GRID2: variants seen among roughly 807,000 people sequenced by gnomAD.
The protein encoded by GRID2 is glutamate ionotropic receptor delta type subunit 2, also known as glutamate receptor ionotropic, delta-2.
A neutral mutation model predicts 114.8 loss-of-function variants in GRID2; 33 were observed. That is an observed-to-expected ratio of 0.29 (90% CI 0.22 to 0.38). The LOEUF (loss-of-function observed/expected upper bound fraction) is 0.38. Ranked by LOEUF, GRID2 falls within the 10% of genes least tolerant of loss-of-function variation. The pLI is 1.00. For synonymous variants in GRID2, 505 were observed against 449.9 expected (o/e 1.12, Z -1.55); for missense variants, 1,184 against 1,257.7 (o/e 0.94, Z 0.89).
chr4:92,737,851 T>C (rs1736678311), intron 2 of GRID2, among the ~76,000 whole-genome samples: 1 of 152,148 alleles, frequency 6.6e-6, no homozygotes, highest in South Asian at 2.1e-4. Flanking sequence ...ACTAATACTA[T>C]AGAAATCTAT....
At chr4:93,106,490 G>A (rs1732247527) in intron 3 of GRID2, among the ~76,000 whole-genome samples, 1 of 152,146 alleles carries the variant, frequency 6.6e-6, no homozygotes, top group South Asian at 2.1e-4. Context: ...GGGACGACGA[G>A]CATGCACCAC....
intron 1 of GRID2, among the ~76,000 whole-genome samples, chr4:92,369,003 C>A (rs1287186340): frequency 6.6e-6 from 1 of 151,160 alleles, no homozygotes; most frequent in Non-Finnish European, 1.5e-5. Flanking sequence ...AGATCTTAGT[C>A]CATCCAATTA....
At chr4:92,606,986 G>A (rs113763023) in intron 2 of GRID2, among the ~76,000 whole-genome samples, 2,579 of 152,070 alleles carry the variant, frequency 0.017, 75 homozygotes, top group African/African-American at 0.058. Context: ...CATGATGTTG[G>A]AGATACTGAG....
chr4:93,286,673 G>C (rs1428649425), intron 8 of GRID2, among the ~76,000 whole-genome samples: 4 of 120,008 alleles, frequency 3.3e-5, no homozygotes, highest in Non-Finnish European at 6.8e-5. Context: ...AAAAGCTTTT[G>C]TGTATGTGTG....
intron 14 of GRID2, among the ~76,000 whole-genome samples, chr4:93,720,607 A>G (rs994278514): frequency 2.0e-5 from 3 of 152,202 alleles, no homozygotes; most frequent in African/African-American, 7.2e-5. Context: ...TCACAAACTG[A>G]TATCATTAAA....
Position 92,442,905 on chromosome 4 carries a change from G to T in GRID2, c.88+138161G>T, listed in dbSNP as rs546275669. ...AGGAGGGGGAGGGCTAGTCATGGAAGGAAACTGTAAGCCGGACCAGGTGTG... is the reference window on the plus strand; with the variant it reads ...AGGAGGGGGAGGGCTAGTCATGGAATGAAACTGTAAGCCGGACCAGGTGTG... On this transcript the variant is annotated intron_variant, in intron 1 of 15. Transcript: ENST00000282020. Among the ~76,000 whole-genome samples the T allele has an allele frequency of 1.4e-3, 209 of 151,496 alleles. 2 individuals carry two copies. Among genetic ancestry groups the T allele is most frequent in the African/African-American group, 4.6e-3 (191 of 41,210 alleles).
intron 13 of GRID2, among the ~76,000 whole-genome samples, chr4:93,587,763 C>A (rs1053955444): frequency 8.6e-5 from 13 of 151,916 alleles, no homozygotes; most frequent in African/African-American, 2.9e-4. Flanking sequence ...TGTTTTCTAC[C>A]TAGCCCTGTT....
At chr4:93,645,749 C>G (rs558461195) in intron 14 of GRID2, among the ~76,000 whole-genome samples, 144 of 152,240 alleles carry the variant, frequency 9.5e-4, no homozygotes, top group Non-Finnish European at 1.8e-3. Context: ...TATTAAATTT[C>G]CATGTTTTAT....
chr4:93,582,504 A>G (rs1448922819), intron 13 of GRID2, among the ~76,000 whole-genome samples: 1 of 152,204 alleles, frequency 6.6e-6, no homozygotes, highest in Non-Finnish European at 1.5e-5. Flanking sequence ...TGCCCTCTTA[A>G]CTTAAAAGAA....
At chr4:92,862,489 T>C (rs1744596448) in intron 2 of GRID2, among the ~76,000 whole-genome samples, 2 of 152,072 alleles carry the variant, frequency 1.3e-5, no homozygotes, top group South Asian at 4.1e-4. Flanking sequence ...CTTCTATTAG[T>C]CGGCATGTTT....
intron 2 of GRID2, among the ~76,000 whole-genome samples, chr4:92,724,945 G>A (rs1286217332): frequency 6.6e-6 from 1 of 152,046 alleles, no homozygotes; most frequent in East Asian, 1.9e-4. Context: ...ATATATCCTA[G>A]GTAGACATGA....
At chr4:92,992,962 C>G (rs1016068580) in intron 2 of GRID2, among the ~76,000 whole-genome samples, 1 of 152,028 alleles carries the variant, frequency 6.6e-6, no homozygotes, top group South Asian at 2.1e-4. Context: ...ACTCTTGTCA[C>G]TTTCCATTGC....
At chr4:92,818,240 G>T (rs1741035061) in intron 2 of GRID2, among the ~76,000 whole-genome samples, 1 of 151,996 alleles carries the variant, frequency 6.6e-6, no homozygotes, top group Non-Finnish European at 1.5e-5. Context: ...ATAACCTCTT[G>T]CCCAGTGTAT....
intron 14 of GRID2, among the ~76,000 whole-genome samples, chr4:93,741,174 C>CATATATATATATATATATATACATAT (rs1731348180): frequency 2.4e-5 from 1 of 41,230 alleles, no homozygotes; most frequent in Non-Finnish European, 4.1e-5. Context: ...TATATATATA[C>CATATATATATATATATATATACATAT]ATATATATAT....
At chr4:93,685,134 C>T (rs1005761204) in intron 14 of GRID2, among the ~76,000 whole-genome samples, 1 of 151,920 alleles carries the variant, frequency 6.6e-6, no homozygotes, top group South Asian at 2.1e-4. Context: ...AGGACTCTGC[C>T]CAAATAATCC....
At chr4:92,969,621 G>A (rs538809671) in intron 2 of GRID2, among the ~76,000 whole-genome samples, 2 of 151,568 alleles carry the variant, frequency 1.3e-5, no homozygotes, top group Non-Finnish European at 1.5e-5. Flanking sequence ...ATAACGCTAT[G>A]AGACTCAGAT....
intron 2 of GRID2, among the ~76,000 whole-genome samples, chr4:92,857,942 A>C (rs1275211840): frequency 6.6e-6 from 1 of 152,204 alleles, no homozygotes; most frequent in African/African-American, 2.4e-5. Context: ...ATCCCTTATG[A>C]ATTATGCTAA....
chr4:92,957,392 C>T (rs749573696), intron 2 of GRID2, among the ~76,000 whole-genome samples: 1 of 152,014 alleles, frequency 6.6e-6, no homozygotes, highest in Non-Finnish European at 1.5e-5. Context: ...TGTTCCAGCA[C>T]TGTTTTTTGA....
chr4:93,156,793 T>C (rs767237103), intron 4 of GRID2, among the ~76,000 whole-genome samples: 71 of 151,650 alleles, frequency 4.7e-4, no homozygotes, highest in Non-Finnish European at 9.3e-4. Flanking sequence ...CAGTGTGGGT[T>C]AGGCAGATTT....
Sources: gnomAD v4.1 joint callset for allele counts (sites outside exome capture counted in the v4.1 genomes callset) on GRCh38, gnomAD v4.1.1 for gene constraint, MANE v1.5 for transcripts, NCBI Gene and HGNC (gene_info 2026-07-23, HGNC 2026-07-21) for gene names.